Variants in KATNAL2 observed in about 807,000 individuals in gnomAD.
KATNAL2 encodes the protein katanin p60 ATPase-containing subunit A-like 2.
Under a neutral mutation model 76.3 loss-of-function variants are expected in KATNAL2, and 52 were observed. The observed-to-expected ratio is 0.68, with a 90% confidence interval of 0.55 to 0.86. KATNAL2 has a LOEUF of 0.86. Ranked by LOEUF, KATNAL2 falls within the 40% of genes least tolerant of loss-of-function variation. KATNAL2 has a pLI of 0.00. For missense variants in KATNAL2, 660 were observed against 668.9 expected (o/e 0.99, Z 0.15); for synonymous variants, 243 against 244.2 (o/e 1.00, Z 0.05).
At chr18:46,945,669 T>C (rs2059365976) in intron 1 of KATNAL2, among the ~76,000 whole-genome samples, 1 of 152,248 alleles carries the variant, frequency 6.6e-6, no homozygotes, top group South Asian at 2.1e-4. Context: ...CCTGTTTGCA[T>C]AACTGCAAAT....
At chr18:46,925,810 T>C (rs1364926036) in intron 1 of KATNAL2, among the ~76,000 whole-genome samples, 3 of 152,222 alleles carry the variant, frequency 2.0e-5, no homozygotes, top group Non-Finnish European at 4.4e-5. Context: ...GGTTTAGTCT[T>C]GGGAGGATGT....
chr18:46,957,961 G>T (rs1026335243), intron 3 of KATNAL2, among the ~76,000 whole-genome samples: 1 of 152,088 alleles, frequency 6.6e-6, no homozygotes, highest in Non-Finnish European at 1.5e-5. Context: ...CTCCCAAAGT[G>T]CTGGGATTAC....
intron 1 of KATNAL2, among the ~76,000 whole-genome samples, chr18:46,932,762 T>C (rs545772205): frequency 3.1e-4 from 47 of 152,094 alleles, no homozygotes; most frequent in African/African-American, 9.2e-4. Flanking sequence ...AAGGTAGTTT[T>C]TTTGTTTGCT....
chr18:46,936,295 A>G (rs1232399084), intron 1 of KATNAL2, among the ~76,000 whole-genome samples: 1 of 152,238 alleles, frequency 6.6e-6, no homozygotes, highest in Non-Finnish European at 1.5e-5. Flanking sequence ...AAAGTTTAAC[A>G]TACTCTGACA....
At chr18:46,947,044 G>C in intron 3 of KATNAL2, 121 bp downstream of exon 3, 1 of 735,680 alleles carries the variant, frequency 1.4e-6, no homozygotes, top group Non-Finnish European at 2.4e-6. Context: ...AAGCGCAAAC[G>C]CAGTGAGAGG....
chr18:47,035,246 T>G, intron 3 of KATNAL2: 1 of 1,612,772 alleles, frequency 6.2e-7, no homozygotes, highest in Non-Finnish European at 8.5e-7. Context: ...GCGTGCAGCG[T>G]AGTGGACCCT....
chr18:46,946,982 C>A (rs2059399513), intron 3 of KATNAL2, 59 bp downstream of exon 3: 1 of 1,178,954 alleles, frequency 8.5e-7, no homozygotes, highest in Non-Finnish European at 1.2e-6. Flanking sequence ...ACTGTTGCTG[C>A]GGGACGATTC....
rs2059477459 is a variant in KATNAL2 at position 46,949,250 on chromosome 18, TC to T, written c.51+2329del. Among the ~76,000 whole-genome samples the T allele has an allele frequency of 3.3e-5, 5 of 152,088 alleles. No homozygotes were observed. In the South Asian group the frequency reaches 1.0e-3, roughly 32 times the overall value. On this transcript the variant is annotated intron_variant, in intron 3 of 17. Coordinates refer to ENST00000683218, the MANE Select transcript of KATNAL2 (RefSeq NM_001387690.1). ...TCTCCTCCTTCTCCTTTTCCTTTTCTCCTTCTCCTTCTTCTTTTCTTCAACA... is the reference window on the plus strand; with the variant it reads ...TCTCCTCCTTCTCCTTTTCCTTTTCTCTTCTCCTTCTTCTTTTCTTCAACA...
chr18:47,054,506 C>A (rs936556677), intron 6 of KATNAL2, 68 bp downstream of exon 6: 1 of 1,455,236 alleles, frequency 6.9e-7, no homozygotes, highest in Admixed American at 1.7e-5. Context: ...TTTCCAGAAG[C>A]TTTACCATCA....
chr18:47,063,298 AC>A lies in KATNAL2; in HGVS notation c.665del (p.Pro222LeufsTer2), dbSNP rs755873937. 6.2e-7 allele frequency: 1 copy of A among 1,613,498 alleles called. No individual in the cohort carries two copies. Among genetic ancestry groups the A allele is most frequent in the Non-Finnish European group, 8.5e-7 (1 of 1,179,842 alleles). Reference protein sequence around the residue: ...NPDPSERLLKPLSAFIGMNSE... With the variant: ...NPDPSERLLKXLSAFIGMNSE... ...CCTCTCATCAGGAACGACTGCTGAA[AC>A]CTCTGAGTGCATTTATTGGCATGAA... On this transcript the variant is annotated frameshift_variant, in exon 10 of 18. Transcript: ENST00000683218. LOFTEE classifies it high-confidence loss of function.
intron 6 of KATNAL2, among the ~76,000 whole-genome samples, chr18:47,056,284 T>C (rs2061469252): frequency 6.6e-6 from 1 of 152,200 alleles, no homozygotes; most frequent in Admixed American, 6.5e-5. Context: ...GAAATCTCAG[T>C]TTACCTGGGC....
At position 47,075,129 on chromosome 18, in the gene KATNAL2, A is replaced by G. The variant is rs2062153156; in HGVS notation, c.1009-148A>G. 4 of 514,912 alleles carry G rather than the reference A, an allele frequency of 7.8e-6. No individual in the cohort carries two copies. In the East Asian group the frequency reaches 1.5e-4, roughly 19 times the overall value. The allele number at this position is 514,912 out of a possible 1,614,324, so 31.9% of individuals were successfully genotyped here. A position where few individuals can be genotyped will look rare whatever the true frequency, so the allele number is the denominator to read the frequency against. On this transcript the variant is annotated intron_variant, in intron 13 of 17. Coordinates refer to ENST00000683218, the MANE Select transcript of KATNAL2 (RefSeq NM_001387690.1). ...CCCCATGGGGTGAAGGTAGGGAGAA[A>G]TGATTGTAATGATTATAAAGTTTTT...
intron 15 of KATNAL2, among the ~76,000 whole-genome samples, chr18:47,094,550 G>T (rs1432561634): frequency 6.6e-6 from 1 of 152,072 alleles, no homozygotes; most frequent in Admixed American, 6.5e-5. Context: ...TATGAGAGGG[G>T]TACATTAACA....
At chr18:47,085,803 TAAAA>T (rs1408294074) in intron 15 of KATNAL2, among the ~76,000 whole-genome samples, 2 of 152,130 alleles carry the variant, frequency 1.3e-5, no homozygotes, top group African/African-American at 4.8e-5. Flanking sequence ...AATAAATAAA[TAAAA>T]GATACTATTT....
intron 3 of KATNAL2, chr18:47,033,561 A>G (rs554546241): frequency 2.5e-6 from 4 of 1,614,126 alleles, no homozygotes; most frequent in East Asian, 2.2e-5. Context: ...TCTTTCTGCG[A>G]TACAGCTGAT....
intron 3 of KATNAL2, among the ~76,000 whole-genome samples, chr18:46,955,140 C>CTCCCTTTCTTTCTTTCTTTCTTTCTT (rs1555834695): frequency 1.1e-4 from 9 of 85,020 alleles, no homozygotes; most frequent in Non-Finnish European, 1.4e-4. Flanking sequence ...CTTTCTCTCT[C>CTCCCTTTCTTTCTTTCTTTCTTTCTT]TCTTTCTTTC....
intron 3 of KATNAL2, among the ~76,000 whole-genome samples, chr18:46,950,892 C>T (rs908319404): frequency 2.0e-5 from 3 of 152,144 alleles, no homozygotes; most frequent in Non-Finnish European, 4.4e-5. Flanking sequence ...CCATGTTGGC[C>T]GGGCTGGTCT....
chr18:47,100,859 A>T lies in KATNAL2; in HGVS notation c.1478-7A>T, dbSNP rs1050792784. On this transcript the variant is annotated splice_region_variant and splice_polypyrimidine_tract_variant and intron_variant, in intron 17 of 17. Coordinates refer to ENST00000683218, the MANE Select transcript of KATNAL2 (RefSeq NM_001387690.1). ...GTTGTGCTGTTACTGTTGTGTTCTT[A>T]TCCTAGAAAGCAGCGACTTACCCAG... is the stretch of plus-strand genomic sequence containing the variant. The T allele has an allele frequency of 1.2e-6, 2 of 1,614,136 alleles. No homozygotes were observed. Among genetic ancestry groups the T allele is most frequent in the Non-Finnish European group, 1.7e-6 (2 of 1,180,000 alleles).
chr18:46,920,055 T>C (rs1028379768), intron 1 of KATNAL2: 1 of 1,289,514 alleles, frequency 7.8e-7, no homozygotes, highest in African/African-American at 1.5e-5. Flanking sequence ...CCACTGAAAC[T>C]TACGTGCAGT....
Sources: allele counts gnomAD v4.1 joint callset (sites outside exome capture counted in the v4.1 genomes callset), GRCh38; gene constraint gnomAD v4.1.1; transcripts MANE v1.5; gene names NCBI Gene and HGNC (gene_info 2026-07-23, HGNC 2026-07-21).